STAU2: variants seen among roughly 807,000 people sequenced by gnomAD.
STAU2 encodes staufen double-stranded RNA binding protein 2.
In STAU2, 20 loss-of-function variants were observed where a neutral mutation model predicts 65.9. The observed-to-expected ratio is 0.30, with a 90% CI of 0.21 to 0.44. STAU2 has a LOEUF of 0.44. STAU2 is among the 20% of genes least tolerant of loss of function. The pLI is 1.00. For missense variants in STAU2, 558 were observed against 683.9 expected (o/e 0.82, Z 2.05); for synonymous variants, 232 against 233.9 (o/e 0.99, Z 0.07).
At chr8:73,636,986 CCAAA>C (rs78963173) in intron 6 of STAU2, among the ~76,000 whole-genome samples, 29,197 of 151,250 alleles carry the variant, frequency 0.19, 3,016 homozygotes, top group East Asian at 0.37. Context: ...TAAAAAGTAG[CCAAA>C]CAAATTCTAG....
Position 73,605,884 on chromosome 8 carries a change from C to CACACAT in STAU2, c.892-2022_892-2021insATGTGT, listed in dbSNP as rs1586106085. Among the ~76,000 whole-genome samples the CACACAT allele has an allele frequency of 2.9e-3, 325 of 112,478 alleles. 1 individual carries two copies. Among genetic ancestry groups the CACACAT allele is most frequent in the East Asian group, 9.1e-3 (38 of 4,160 alleles). 73.8% of individuals were successfully genotyped at this position (112,478 alleles called of 152,430 possible). A position where few individuals can be genotyped will look rare whatever the true frequency, so the allele number is the denominator to read the frequency against. ...ACACACACACACACACACATACACACACACACACACACACACACACACACA... is the reference window on the plus strand; with the variant it reads ...ACACACACACACACACACATACACACACACATACACACACACACACACACACACACA... On this transcript the variant is annotated intron_variant, in intron 9 of 14. Transcript: ENST00000524300.
At chr8:73,673,641 A>G (rs1218043968) in intron 5 of STAU2, among the ~76,000 whole-genome samples, 1 of 152,174 alleles carries the variant, frequency 6.6e-6, no homozygotes, top group Non-Finnish European at 1.5e-5. Context: ...TACTTTGGTA[A>G]TTAAATAACT....
chr8:73,544,991 T>C (rs1488730731), intron 13 of STAU2, among the ~76,000 whole-genome samples: 2 of 152,312 alleles, frequency 1.3e-5, no homozygotes, highest in East Asian at 1.9e-4. Flanking sequence ...CCAGCATTTG[T>C]AGGCCTTTAA....
intron 1 of STAU2, 23 bp downstream of exon 1, chr8:73,746,760 A>G (rs2130806891): frequency 8.3e-7 from 1 of 1,208,812 alleles, no homozygotes; most frequent in Admixed American, 4.2e-5. Flanking sequence ...GGTCTCCCGG[A>G]CGCCCCCGAT....
chr8:73,698,066 C>CAAT (rs908701950), intron 4 of STAU2, among the ~76,000 whole-genome samples: 1 of 151,576 alleles, frequency 6.6e-6, no homozygotes, highest in Non-Finnish European at 1.5e-5. Flanking sequence ...AGAGACAGAG[C>CAAT]AATACTCTGT....
chr8:73,608,685 C>T (rs1342633745), intron 9 of STAU2, among the ~76,000 whole-genome samples: 6 of 150,602 alleles, frequency 4.0e-5, no homozygotes, highest in Admixed American at 1.3e-4. Flanking sequence ...ACTGATAGGA[C>T]GTAAGGGGTA....
intron 12 of STAU2, among the ~76,000 whole-genome samples, chr8:73,581,698 G>A (rs1809997601): frequency 6.6e-6 from 1 of 152,026 alleles, no homozygotes; most frequent in South Asian, 2.1e-4. Context: ...ATTTATACAG[G>A]CCAAGGGCTC....
At chr8:73,695,966 G>C (rs796260339) in intron 4 of STAU2, among the ~76,000 whole-genome samples, 9 of 152,330 alleles carry the variant, frequency 5.9e-5, no homozygotes, top group African/African-American at 2.2e-4. Flanking sequence ...GAAGGGAAGG[G>C]CCTTGGGCAA....
chr8:73,628,176 C>G (rs1413512396), intron 6 of STAU2, among the ~76,000 whole-genome samples: 2 of 151,686 alleles, frequency 1.3e-5, no homozygotes, highest in Non-Finnish European at 2.9e-5. Context: ...TGGGCTCAAG[C>G]AATCCTCCCA....
At chr8:73,531,818 A>T (rs2128933422) in intron 13 of STAU2, among the ~76,000 whole-genome samples, 1 of 152,322 alleles carries the variant, frequency 6.6e-6, no homozygotes, top group Non-Finnish European at 1.5e-5. Context: ...GACTGGGTAA[A>T]CTCTTTCTGC....
chr8:73,579,219 T>C (rs1809810796), intron 12 of STAU2, among the ~76,000 whole-genome samples: 1 of 152,184 alleles, frequency 6.6e-6, no homozygotes, highest in South Asian at 2.1e-4. Flanking sequence ...TCCACAAGTA[T>C]TTGTCTTTGG....
chr8:73,728,133 T>C (rs75944855), intron 3 of STAU2: 2 of 152,302 alleles, frequency 1.3e-5, no homozygotes, highest in East Asian at 3.9e-4. Context: ...TGGCATGAAG[T>C]AGGGGTCCAA....
intron 4 of STAU2, among the ~76,000 whole-genome samples, chr8:73,695,913 A>C (rs1819667796): frequency 6.6e-6 from 1 of 152,090 alleles, no homozygotes; most frequent in Non-Finnish European, 1.5e-5. Flanking sequence ...CTCAGACAGC[A>C]CCTCTGGACA....
intron 9 of STAU2, among the ~76,000 whole-genome samples, chr8:73,607,905 G>C (rs796910890): frequency 2.0e-5 from 3 of 152,158 alleles, no homozygotes; most frequent in African/African-American, 7.2e-5. Flanking sequence ...TAGAGACATG[G>C]AGACATGGAT....
intron 11 of STAU2, among the ~76,000 whole-genome samples, chr8:73,594,307 C>A (rs1194974034): frequency 6.6e-6 from 1 of 152,092 alleles, no homozygotes; most frequent in African/African-American, 2.4e-5. Flanking sequence ...CAAAAAAGTA[C>A]ATCTAAGTGT....
Position 73,688,786 on chromosome 8 carries a change from C to T in STAU2, c.142G>A (p.Glu48Lys), listed in dbSNP as rs919264061. 6.2e-7 allele frequency: 1 copy of T among 1,614,024 alleles called. No homozygotes were observed. The highest frequency in any genetic ancestry group is 1.3e-5 in the African/African-American group (1 of 74,922). ...CTGCCTTCGGATTCCCATGTCTGCT[C>T]ACCAAGACTCAGCTGCACTGAGAAC... Reference protein sequence around the residue: ...KMFSVQLSLGEQTWESEGSSI... With the variant: ...KMFSVQLSLGKQTWESEGSSI... Residue 48 changes from glutamate (E) to lysine (K), a missense_variant, in exon 5 of 15, where the codon GAG (glutamate) becomes AAG (lysine). Glu to Lys is a moderately conservative substitution (Grantham distance 56, BLOSUM62 1). This residue lies in a region of STAU2 where 112 missense variants were observed against 114.2 expected (regional missense o/e 0.98). Transcript: ENST00000524300.
chr8:73,582,285 T>G (rs1032935447), intron 12 of STAU2, among the ~76,000 whole-genome samples: 2 of 151,976 alleles, frequency 1.3e-5, no homozygotes, highest in African/African-American at 4.8e-5. Context: ...ACGCAAAAAA[T>G]GCTTAGGCAA....
At chr8:73,579,449 C>T (rs1357437046) in intron 12 of STAU2, among the ~76,000 whole-genome samples, 1 of 152,026 alleles carries the variant, frequency 6.6e-6, no homozygotes, top group Admixed American at 6.6e-5. Context: ...AAGTAAAAGC[C>T]TGTATTAATA....
intron 6 of STAU2, among the ~76,000 whole-genome samples, chr8:73,655,849 C>T (rs1287868528): frequency 2.0e-5 from 3 of 151,872 alleles, no homozygotes; most frequent in Non-Finnish European, 4.4e-5. Flanking sequence ...AGGGTTTCAC[C>T]GTGTTAGCCA....
Sources: gnomAD v4.1 joint callset for allele counts (sites outside exome capture counted in the v4.1 genomes callset) on GRCh38, gnomAD v4.1.1 for gene constraint, gnomAD v4.1.1 regional missense constraint, MANE v1.5 for transcripts, NCBI Gene and HGNC (gene_info 2026-07-23, HGNC 2026-07-21) for gene names.